SNX24: variants seen among roughly 807,000 people sequenced by gnomAD.
SNX24 encodes sorting nexin-24.
SNX24 carries 22 observed loss-of-function variants against 28.7 expected under a neutral mutation model. That is an observed-to-expected ratio of 0.77 (90% CI 0.55 to 1.10). SNX24 has a LOEUF of 1.10. Among genes scored for constraint, SNX24 ranks in the 50% least tolerant of loss-of-function variants. The pLI is 0.00. For synonymous variants in SNX24, 69 were observed against 71.5 expected (o/e 0.96, Z 0.18); for missense variants, 221 against 201.1 (o/e 1.10, Z -0.60).
intron 1 of SNX24, among the ~76,000 whole-genome samples, chr5:122,896,721 G>A (rs978509128): frequency 1.3e-5 from 2 of 152,172 alleles, no homozygotes; most frequent in Non-Finnish European, 2.9e-5. Flanking sequence ...AGTCTTATAA[G>A]TCTTGCCTTG....
intron 3 of SNX24, among the ~76,000 whole-genome samples, chr5:122,949,107 TTCTA>T (rs1315347061): frequency 5.9e-5 from 9 of 152,184 alleles, no homozygotes; most frequent in Non-Finnish European, 1.2e-4. Context: ...ATTAATTTTG[TTCTA>T]TCTGAGATTT....
intron 3 of SNX24, among the ~76,000 whole-genome samples, chr5:122,970,861 T>G (rs1387662847): frequency 6.6e-6 from 1 of 152,198 alleles, no homozygotes; most frequent in East Asian, 1.9e-4. Flanking sequence ...ACCTGTACCC[T>G]CCTCTTTTCT....
chr5:122,888,707 A>G (rs1581708499), intron 1 of SNX24, among the ~76,000 whole-genome samples: 1 of 152,186 alleles, frequency 6.6e-6, no homozygotes, highest in East Asian at 1.9e-4. Context: ...AAGAATCCCC[A>G]TTTCAAGCAG....
At chr5:122,976,930 A>G (rs566052033) in intron 3 of SNX24, among the ~76,000 whole-genome samples, 2 of 152,056 alleles carry the variant, frequency 1.3e-5, no homozygotes, top group East Asian at 1.9e-4. Context: ...CCCTTTTCTA[A>G]TGGTATGTCT....
intron 1 of SNX24, among the ~76,000 whole-genome samples, chr5:122,917,785 T>C (rs1758244909): frequency 6.6e-6 from 1 of 152,130 alleles, no homozygotes. Context: ...GTAGGCACTA[T>C]TTAAAATAAT....
At chr5:122,911,844 C>G (rs1318977444) in intron 1 of SNX24, among the ~76,000 whole-genome samples, 2 of 142,230 alleles carry the variant, frequency 1.4e-5, no homozygotes, top group African/African-American at 5.4e-5. Context: ...TGTTTTGGTA[C>G]CAGTACCATG....
intron 1 of SNX24, among the ~76,000 whole-genome samples, chr5:122,936,071 T>TTAACTGACCCAA (rs1235163630): frequency 6.6e-6 from 1 of 152,134 alleles, no homozygotes; most frequent in Admixed American, 6.5e-5. Flanking sequence ...ATCAAGAAAA[T>TTAACTGACCCAA]GTCATGTTAG....
chr5:122,854,627 C>T (rs893458989), intron 1 of SNX24, among the ~76,000 whole-genome samples: 18 of 151,708 alleles, frequency 1.2e-4, no homozygotes, highest in African/African-American at 4.1e-4. Context: ...TTTGTGTCTC[C>T]ACTCCTTTTC....
chr5:122,937,153 G>A (rs563718291), intron 2 of SNX24, among the ~76,000 whole-genome samples: 17 of 152,290 alleles, frequency 1.1e-4, no homozygotes, highest in Admixed American at 2.0e-4. Context: ...CTTACAGACA[G>A]GGGAGAAAAA....
chr5:122,956,405 C>T (rs1760219756), intron 3 of SNX24, among the ~76,000 whole-genome samples: 3 of 146,432 alleles, frequency 2.0e-5, no homozygotes, highest in Non-Finnish European at 3.0e-5. Flanking sequence ...CACACACACA[C>T]ATACACAGCC....
intron 1 of SNX24, among the ~76,000 whole-genome samples, chr5:122,884,299 T>TAG (rs1756609009): frequency 1.5e-5 from 2 of 133,124 alleles, no homozygotes; most frequent in Admixed American, 1.7e-4. Context: ...TTGCCTAGGC[T>TAG]AGAGTGCAGT....
intron 5 of SNX24, among the ~76,000 whole-genome samples, chr5:123,018,701 C>G (rs1242493797): frequency 6.7e-6 from 1 of 150,366 alleles, no homozygotes; most frequent in South Asian, 2.1e-4. Flanking sequence ...TTTTTTTTTC[C>G]TTTGACACAG....
At chr5:122,930,280 T>G (rs2150111010) in intron 1 of SNX24, among the ~76,000 whole-genome samples, 1 of 152,362 alleles carries the variant, frequency 6.6e-6, no homozygotes, top group East Asian at 1.9e-4. Context: ...ACACCTTCAG[T>G]AAGTTTTTCA....
intron 1 of SNX24, among the ~76,000 whole-genome samples, chr5:122,851,839 T>G (rs904172534): frequency 5.3e-5 from 8 of 152,162 alleles, no homozygotes; most frequent in Non-Finnish European, 1.2e-4. Flanking sequence ...CTGGAGTATT[T>G]TTAAGCAAAT....
chr5:122,961,934 A>T (rs1388252023), intron 3 of SNX24, among the ~76,000 whole-genome samples: 1 of 152,344 alleles, frequency 6.6e-6, no homozygotes, highest in East Asian at 1.9e-4. Context: ...AAAATGAAAA[A>T]AACTTTAGAA....
chr5:122,977,040 G>A (rs1471772730), intron 3 of SNX24, among the ~76,000 whole-genome samples: 1 of 151,916 alleles, frequency 6.6e-6, no homozygotes, highest in Non-Finnish European at 1.5e-5. Context: ...ATTTGGTAGT[G>A]CATTGCACTG....
intron 1 of SNX24, among the ~76,000 whole-genome samples, chr5:122,897,276 A>G (rs1482005150): frequency 6.6e-6 from 1 of 152,176 alleles, no homozygotes; most frequent in East Asian, 1.9e-4. Flanking sequence ...CAGAGTTCCC[A>G]ACAGTAAGCC....
intron 1 of SNX24, among the ~76,000 whole-genome samples, chr5:122,918,641 T>G (rs1303142895): frequency 3.0e-4 from 45 of 152,190 alleles, no homozygotes; most frequent in Admixed American, 2.9e-3. Context: ...AGGAATTTAA[T>G]AAATAATGTA....
chr5:122,860,484 C>T (rs1360413260), intron 1 of SNX24, among the ~76,000 whole-genome samples: 1 of 152,204 alleles, frequency 6.6e-6, no homozygotes, highest in Non-Finnish European at 1.5e-5. Flanking sequence ...AGAAGTCTTA[C>T]TCTATCTTTT....
Sources: gnomAD v4.1 joint callset for allele counts (sites outside exome capture counted in the v4.1 genomes callset) on GRCh38, gnomAD v4.1.1 for gene constraint, MANE v1.5 for transcripts, NCBI Gene and HGNC (gene_info 2026-07-23, HGNC 2026-07-21) for gene names.